Variants in TYW1 observed in about 807,000 individuals in gnomAD.
TYW1 encodes S-adenosyl-L-methionine-dependent tRNA 4-demethylwyosine synthase TYW1.
TYW1 carries 46 observed loss-of-function variants against 96.2 expected under a neutral mutation model. The ratio of observed to expected loss-of-function variants is 0.48; its 90% confidence interval spans 0.38 to 0.61. The LOEUF (loss-of-function observed/expected upper bound fraction) is 0.61. Among genes scored for constraint, TYW1 ranks in the 20% least tolerant of loss-of-function variants. The pLI, the probability that TYW1 is intolerant of heterozygous loss-of-function variation, is 0.00. For missense variants in TYW1, 684 were observed against 909.6 expected (o/e 0.75, Z 3.19); for synonymous variants, 274 against 323.0 (o/e 0.85, Z 1.63).
At chr7:67,058,911 T>C (rs1355242064) in intron 9 of TYW1, among the ~76,000 whole-genome samples, 3 of 152,124 alleles carry the variant, frequency 2.0e-5, no homozygotes, top group South Asian at 2.1e-4. Flanking sequence ...CACCATTTGT[T>C]GAAGACTTTT....
chr7:67,219,242 C>T (rs1801303808), intron 15 of TYW1, among the ~76,000 whole-genome samples: 2 of 152,106 alleles, frequency 1.3e-5, no homozygotes, highest in Admixed American at 1.3e-4. Context: ...GGTTAAATCC[C>T]ACTTGTCCAG....
intron 8 of TYW1, among the ~76,000 whole-genome samples, chr7:67,055,383 G>C (rs527301802): frequency 6.6e-5 from 10 of 152,260 alleles, no homozygotes; most frequent in African/African-American, 2.4e-4. Flanking sequence ...GATCACTTGA[G>C]GACAGGAGTT....
At chr7:67,147,736 T>A (rs1424782242) in intron 13 of TYW1, among the ~76,000 whole-genome samples, 4 of 152,140 alleles carry the variant, frequency 2.6e-5, no homozygotes, top group Non-Finnish European at 4.4e-5. Flanking sequence ...TCCAACCATG[T>A]CCCTGCAAAG....
chr7:67,041,650 C>T (rs912879728), intron 7 of TYW1, among the ~76,000 whole-genome samples: 42 of 152,066 alleles, frequency 2.8e-4, no homozygotes, highest in African/African-American at 2.9e-4. Context: ...GAATGCTTTC[C>T]GCGTGATCAT....
At chr7:67,042,995 G>T (rs1172323657) in intron 7 of TYW1, among the ~76,000 whole-genome samples, 1 of 151,632 alleles carries the variant, frequency 6.6e-6, no homozygotes, top group Non-Finnish European at 1.5e-5. Flanking sequence ...AGACAACCCT[G>T]TCTCAAAAAA....
chr7:67,103,035 T>G (rs1797136342), intron 12 of TYW1, among the ~76,000 whole-genome samples: 1 of 152,214 alleles, frequency 6.6e-6, no homozygotes, highest in Non-Finnish European at 1.5e-5. Flanking sequence ...TTGTGTTGCA[T>G]TTTTTAGGGT....
intron 15 of TYW1, among the ~76,000 whole-genome samples, chr7:67,198,125 T>C (rs1017631447): frequency 6.6e-6 from 1 of 152,154 alleles, no homozygotes; most frequent in Non-Finnish European, 1.5e-5. Context: ...TTCAAAATTG[T>C]AAACTGATAC....
chr7:67,196,041 A>AT (rs1800383456), intron 15 of TYW1, among the ~76,000 whole-genome samples: 1 of 151,926 alleles, frequency 6.6e-6, no homozygotes, highest in South Asian at 2.1e-4. Flanking sequence ...GTCATTACAT[A>AT]TTTTTTTAAT....
intron 15 of TYW1, among the ~76,000 whole-genome samples, chr7:67,212,106 A>T (rs893959002): frequency 2.0e-5 from 3 of 152,208 alleles, no homozygotes; most frequent in African/African-American, 7.2e-5. Context: ...ATGCCCCTGC[A>T]CTTCCTCTTT....
At chr7:67,098,390 T>C (rs1248945062) in intron 11 of TYW1, 151 bp from the exon 12 acceptor site, 2 of 510,512 alleles carry the variant, frequency 3.9e-6, no homozygotes, top group Non-Finnish European at 7.1e-6. Flanking sequence ...TTAATAATTC[T>C]AGTCCTGCCC....
chr7:67,186,464 C>G (rs1297210518), intron 14 of TYW1, among the ~76,000 whole-genome samples: 1 of 152,028 alleles, frequency 6.6e-6, no homozygotes, highest in Admixed American at 6.6e-5. Flanking sequence ...ATAGATAAAG[C>G]CTTCTGTCTA....
chr7:67,091,488 C>T (rs1023778140), intron 11 of TYW1, among the ~76,000 whole-genome samples: 12 of 152,096 alleles, frequency 7.9e-5, no homozygotes, highest in South Asian at 2.1e-4. Flanking sequence ...GGGTACAGCA[C>T]GCCAACGTGG....
intron 13 of TYW1, among the ~76,000 whole-genome samples, chr7:67,169,631 C>T (rs952507356): frequency 7.9e-5 from 12 of 152,192 alleles, no homozygotes; most frequent in African/African-American, 2.9e-4. Flanking sequence ...GAACTCCTGA[C>T]CTTGTGATCC....
intron 9 of TYW1, among the ~76,000 whole-genome samples, chr7:67,059,572 G>A (rs965889915): frequency 1.3e-5 from 2 of 149,060 alleles, no homozygotes; most frequent in Non-Finnish European, 3.0e-5. Flanking sequence ...TAAGGTCGTG[G>A]TAGCCTTTGT....
At chr7:67,080,048 G>T (rs1266496361) in intron 10 of TYW1, among the ~76,000 whole-genome samples, 1 of 152,182 alleles carries the variant, frequency 6.6e-6, no homozygotes, top group Non-Finnish European at 1.5e-5. Flanking sequence ...CGTGTATTCT[G>T]CAGGTGTAGT....
intron 7 of TYW1, among the ~76,000 whole-genome samples, chr7:67,046,619 A>G (rs1279757804): frequency 2.6e-5 from 4 of 152,254 alleles, no homozygotes; most frequent in Non-Finnish European, 1.5e-5. Context: ...CATTCTGGGC[A>G]GAGAGTAAAC....
intron 7 of TYW1, among the ~76,000 whole-genome samples, chr7:67,032,402 T>G (rs1420640164): frequency 6.6e-6 from 1 of 152,044 alleles, no homozygotes; most frequent in Non-Finnish European, 1.5e-5. Context: ...ATGGATCACT[T>G]AAGCCCAGGA....
chr7:67,071,177 C>T (rs575493870), intron 10 of TYW1, among the ~76,000 whole-genome samples: 53 of 151,884 alleles, frequency 3.5e-4, no homozygotes, highest in Non-Finnish European at 5.6e-4. Context: ...AATGTGTTAA[C>T]TCTGGAAGTC....
intron 12 of TYW1, among the ~76,000 whole-genome samples, chr7:67,102,937 T>C (rs562085925): frequency 5.8e-4 from 89 of 152,276 alleles, no homozygotes; most frequent in East Asian, 5.4e-3. Context: ...GCGTGAGCCA[T>C]CACGCCCGGT....
Sources: gnomAD v4.1 joint callset for allele counts (sites outside exome capture counted in the v4.1 genomes callset) on GRCh38, gnomAD v4.1.1 for gene constraint, MANE v1.5 for transcripts, NCBI Gene and HGNC (gene_info 2026-07-23, HGNC 2026-07-21) for gene names.